Variants in DOCK1 observed in about 807,000 individuals in gnomAD.
DOCK1 encodes dedicator of cytokinesis protein 1.
A neutral mutation model predicts 262.7 loss-of-function variants in DOCK1; 138 were observed. The observed-to-expected ratio is 0.53, with a 90% CI of 0.46 to 0.61. The LOEUF (loss-of-function observed/expected upper bound fraction) is 0.61. DOCK1 is among the 20% of genes least tolerant of loss of function. The pLI, the probability that DOCK1 is intolerant of heterozygous loss-of-function variation, is 0.00. For missense variants in DOCK1, 1,908 were observed against 2,370.7 expected, an observed-to-expected ratio of 0.80 and a Z score of 4.05; for synonymous variants, 866 against 867.4, an observed-to-expected ratio of 1.00 and a Z score of 0.03.
intron 1 of DOCK1, among the ~76,000 whole-genome samples, chr10:126,941,787 A>AC: frequency 6.6e-6 from 1 of 151,396 alleles, no homozygotes; most frequent in African/African-American, 2.4e-5. Flanking sequence ...ACAAAACAAA[A>AC]AAAACAGCAT....
intron 10 of DOCK1, among the ~76,000 whole-genome samples, chr10:127,004,535 C>A (rs2040845733): frequency 6.6e-6 from 1 of 151,874 alleles, no homozygotes; most frequent in Admixed American, 6.6e-5. Context: ...TCGCTTGAGC[C>A]CAGGCATTCA....
chr10:127,315,695 A>G (rs1349182081), intron 29 of DOCK1, among the ~76,000 whole-genome samples: 1 of 152,126 alleles, frequency 6.6e-6, no homozygotes, highest in Non-Finnish European at 1.5e-5. Context: ...GCATTTCCGG[A>G]TTCCAAATAC....
chr10:127,298,657 A>G (rs2061580849), intron 29 of DOCK1, among the ~76,000 whole-genome samples: 1 of 152,222 alleles, frequency 6.6e-6, no homozygotes, highest in Non-Finnish European at 1.5e-5. Context: ...GCTGGGCTTT[A>G]TTAAATCCTA....
At chr10:127,399,722 C>T (rs914891701) in intron 38 of DOCK1, among the ~76,000 whole-genome samples, 1 of 151,856 alleles carries the variant, frequency 6.6e-6, no homozygotes, top group Non-Finnish European at 1.5e-5. Flanking sequence ...AGTTTGTATC[C>T]GCTTGCAGAA....
At chr10:127,314,668 G>A (rs1242666947) in intron 29 of DOCK1, among the ~76,000 whole-genome samples, 1 of 152,166 alleles carries the variant, frequency 6.6e-6, no homozygotes, top group African/African-American at 2.4e-5. Flanking sequence ...CTTAAAGTAA[G>A]AAGAGCCACC....
In DOCK1 at chr10:127,418,375, G is replaced by A. The variant is rs1419055388; in HGVS notation, c.4526G>A (p.Ser1509Asn). 7 of 1,610,284 alleles carry A rather than the reference G, an allele frequency of 4.3e-6. No individual in the cohort carries two copies. Among genetic ancestry groups the A allele is most frequent in the Non-Finnish European group, 5.9e-6 (7 of 1,177,870 alleles). Reference protein sequence around the residue: ...EVKSVFMVEISPLENAIETMQ... With the variant: ...EVKSVFMVEINPLENAIETMQ... The stretch of plus-strand genomic sequence containing the variant: ...CCTCTCTCTTTGCAGGTGGAAATCA[G>A]CCCCCTGGAGAATGCCATTGAGACC... The change falls in exon 45 of 52, where the codon AGC becomes AAC. Residue 1509 changes from serine (S) to asparagine (N), a missense_variant. Physicochemically the swap from Ser to Asn is conservative, Grantham distance 46 (BLOSUM62 1). Coordinates refer to ENST00000623213, the MANE Select transcript of DOCK1 (RefSeq NM_001290223.2).
At chr10:126,969,674 C>T (rs577048723) in intron 1 of DOCK1, among the ~76,000 whole-genome samples, 4 of 151,714 alleles carry the variant, frequency 2.6e-5, no homozygotes, top group Non-Finnish European at 4.4e-5. Context: ...GCCCAGCTGG[C>T]GAGGGAGAAG....
At chr10:127,444,021 A>G in intron 49 of DOCK1, 105 bp from the exon 50 acceptor site, 3 of 1,427,930 alleles carry the variant, frequency 2.1e-6, no homozygotes, top group Admixed American at 2.1e-5. Context: ...TTAAGGTCAT[A>G]TTCTAAGGTA....
At chr10:127,362,877 A>ACACATCCACACACACACATACACATG (rs2064595939) in intron 33 of DOCK1, among the ~76,000 whole-genome samples, 1 of 54,670 alleles carries the variant, frequency 1.8e-5, no homozygotes, top group Non-Finnish European at 3.3e-5. Flanking sequence ...ACACACACAT[A>ACACATCCACACACACACATACACATG]CACATCCCCA....
At chr10:126,951,797 T>C (rs2036272326) in intron 1 of DOCK1, among the ~76,000 whole-genome samples, 3 of 151,842 alleles carry the variant, frequency 2.0e-5, no homozygotes, top group African/African-American at 7.3e-5. Flanking sequence ...AATCTCTTCA[T>C]TTACATTGGG....
intron 29 of DOCK1, 76 bp from the exon 30 acceptor site, chr10:127,338,930 T>C: frequency 2.4e-6 from 3 of 1,259,122 alleles, no homozygotes; most frequent in Non-Finnish European, 3.4e-6. Context: ...TGGGATTGTA[T>C]CTAATTGAAA....
At chr10:127,129,601 G>A (rs1358588373) in intron 27 of DOCK1, among the ~76,000 whole-genome samples, 1 of 152,160 alleles carries the variant, frequency 6.6e-6, no homozygotes, top group Non-Finnish European at 1.5e-5. Flanking sequence ...GTTGACCCCT[G>A]ATGTCCAGCG....
At chr10:127,181,533 C>G (rs2055735197) in intron 27 of DOCK1, among the ~76,000 whole-genome samples, 1 of 152,174 alleles carries the variant, frequency 6.6e-6, no homozygotes, top group Non-Finnish European at 1.5e-5. Context: ...GCTAGGCAAG[C>G]AGTCAGAGGA....
At chr10:127,409,209 A>C in intron 41 of DOCK1, 31 bp downstream of exon 41, 2 of 1,612,696 alleles carry the variant, frequency 1.2e-6, no homozygotes, top group Non-Finnish European at 1.7e-6. Context: ...ATCAACTCTG[A>C]AACCATGGTG....
At chr10:127,431,896 A>C (rs1039357966) in intron 47 of DOCK1, among the ~76,000 whole-genome samples, 1 of 152,132 alleles carries the variant, frequency 6.6e-6, no homozygotes, top group Non-Finnish European at 1.5e-5. Context: ...CCCGTTAGGA[A>C]CTGGGCCCAC....
intron 49 of DOCK1, among the ~76,000 whole-genome samples, chr10:127,442,141 T>C (rs896910513): frequency 2.0e-5 from 3 of 152,290 alleles, no homozygotes; most frequent in African/African-American, 7.2e-5. Flanking sequence ...GTTCTGGAAA[T>C]AGACCTGTTG....
intron 1 of DOCK1, among the ~76,000 whole-genome samples, chr10:126,911,562 G>A (rs886363328): frequency 2.0e-5 from 3 of 152,152 alleles, no homozygotes; most frequent in African/African-American, 4.8e-5. Context: ...CAGTGCATCC[G>A]GAAGGCCTTC....
In DOCK1 at chr10:127,298,716, G is replaced by C. The variant is rs1316259018; in HGVS notation, c.3045-40290G>C. Among the ~76,000 whole-genome samples, 4 of 152,192 alleles carry C rather than the reference G, an allele frequency of 2.6e-5. No homozygotes were observed. In the East Asian group the frequency reaches 7.7e-4, roughly 29 times the overall value. ...CAGTTGATTTCGCAGGAAACACCTA[G>C]CAAACTTGTCGGGGTTTATATTACA... On this transcript the variant is annotated intron_variant, in intron 29 of 51. Transcript: ENST00000623213.
At chr10:127,029,002 C>A (rs2043063763) in intron 16 of DOCK1, among the ~76,000 whole-genome samples, 1 of 152,228 alleles carries the variant, frequency 6.6e-6, no homozygotes, top group South Asian at 2.1e-4. Flanking sequence ...CGTCTTTTAA[C>A]AAGCTCATTC....
Sources: gnomAD v4.1 joint callset for allele counts (sites outside exome capture counted in the v4.1 genomes callset) on GRCh38, gnomAD v4.1.1 for gene constraint, MANE v1.5 for transcripts, NCBI Gene and HGNC (gene_info 2026-07-23, HGNC 2026-07-21) for gene names.